The following LIMS1 variants were observed in gnomAD, a reference collection of about 807,000 sequenced individuals.
The protein encoded by LIMS1 is LIM and senescent cell antigen-like-containing domain protein 1.
LIMS1 carries 18 observed loss-of-function variants against 44.1 expected under a neutral mutation model. The observed-to-expected ratio is 0.41, with a 90% CI of 0.28 to 0.61. The LOEUF (loss-of-function observed/expected upper bound fraction) is 0.61, where lower values mean the gene tolerates loss of function less well. LIMS1 is among the 20% of genes least tolerant of loss of function. LIMS1 has a pLI of 0.32. For synonymous variants in LIMS1, 93 were observed against 149.1 expected (o/e 0.62, Z 2.74); for missense variants, 201 against 422.0 (o/e 0.48, Z 4.59).
At chr2:108,613,300 T>C (rs576795532) in intron 1 of LIMS1, among the ~76,000 whole-genome samples, 1 of 152,194 alleles carries the variant, frequency 6.6e-6, no homozygotes, top group Non-Finnish European at 1.5e-5. Context: ...TCTTTATTAT[T>C]AGAGTCAAAG....
chr2:108,536,487 G>A (rs747931985), intron 1 of LIMS1, among the ~76,000 whole-genome samples: 1 of 152,218 alleles, frequency 6.6e-6, no homozygotes, highest in Non-Finnish European at 1.5e-5. Flanking sequence ...TGGTATGGAT[G>A]TACAGCAGTT....
At chr2:108,667,969 G>GT (rs1012241012) in intron 2 of LIMS1, among the ~76,000 whole-genome samples, 8 of 152,182 alleles carry the variant, frequency 5.3e-5, no homozygotes, top group Admixed American at 2.0e-4. Context: ...ATTGTTTGGG[G>GT]TTTTTTCTTC....
chr2:108,670,383 G>A (rs1692085472), intron 2 of LIMS1, among the ~76,000 whole-genome samples: 1 of 151,370 alleles, frequency 6.6e-6, no homozygotes, highest in East Asian at 2.0e-4. Context: ...AGGTTACAGT[G>A]AGAATTACAG....
chr2:108,572,645 A>G (rs562066510), intron 1 of LIMS1, among the ~76,000 whole-genome samples: 3 of 152,082 alleles, frequency 2.0e-5, no homozygotes, highest in East Asian at 3.9e-4. Flanking sequence ...CGGCCTCCCA[A>G]AGTGCTGGGA....
At chr2:108,544,531 C>G (rs115795152) in intron 1 of LIMS1, among the ~76,000 whole-genome samples, 5,049 of 152,180 alleles carry the variant, frequency 0.033, 292 homozygotes, top group African/African-American at 0.12. Context: ...TGTTTTTGCT[C>G]TGTTGTCCAG....
At chr2:108,647,341 A>G (rs1037628884) in intron 1 of LIMS1, among the ~76,000 whole-genome samples, 4 of 152,202 alleles carry the variant, frequency 2.6e-5, no homozygotes, top group Admixed American at 6.5e-5. Flanking sequence ...CCAACCAAAA[A>G]AAGTCCAGGA....
chr2:108,569,998 C>T (rs1463655697), intron 1 of LIMS1, among the ~76,000 whole-genome samples: 2 of 151,896 alleles, frequency 1.3e-5, no homozygotes, highest in African/African-American at 4.8e-5. Context: ...GCTTGTTTGC[C>T]ACTACATAAA....
At chr2:108,650,187 A>G (rs1690369106) in intron 1 of LIMS1, among the ~76,000 whole-genome samples, 1 of 152,164 alleles carries the variant, frequency 6.6e-6, no homozygotes, top group South Asian at 2.1e-4. Flanking sequence ...ATTTGTTTGC[A>G]TTTCTTAGAG....
chr2:108,666,713 T>C (rs377433300), intron 2 of LIMS1, among the ~76,000 whole-genome samples: 3,392 of 140,574 alleles, frequency 0.024, 92 homozygotes, highest in African/African-American at 0.062. Context: ...CATTTGAGCC[T>C]AGGAGTTGGA....
chr2:108,539,252 A>G (rs779054505), intron 1 of LIMS1, among the ~76,000 whole-genome samples: 2 of 151,958 alleles, frequency 1.3e-5, no homozygotes, highest in African/African-American at 2.4e-5. Context: ...CCCGGCTAAT[A>G]TTTTGTATTT....
exon 8 of LIMS1, chr2:108,677,979 C>T: frequency 1.9e-6 from 3 of 1,599,780 alleles, no homozygotes; most frequent in Non-Finnish European, 2.6e-6. Flanking sequence ...TTATTTTCAG[C>T]TATTTGGTGA....
chr2:108,551,612 A>G (rs1173475607), intron 1 of LIMS1, among the ~76,000 whole-genome samples: 1 of 142,678 alleles, frequency 7.0e-6, no homozygotes, highest in East Asian at 2.0e-4. Flanking sequence ...ATATATGTAT[A>G]TATATGTATA....
intron 2 of LIMS1, among the ~76,000 whole-genome samples, chr2:108,670,110 A>G (rs1476913327): frequency 6.6e-6 from 1 of 152,196 alleles, no homozygotes; most frequent in Non-Finnish European, 1.5e-5. Context: ...TGGAGCACAT[A>G]AAATGAAAAC....
At chr2:108,657,768 C>G (rs1156929264) in intron 1 of LIMS1, 1 of 152,444 alleles carries the variant, frequency 6.6e-6, no homozygotes, top group African/African-American at 2.4e-5. Flanking sequence ...ATTCTGCATT[C>G]AAACCTGTTA....
At chr2:108,593,074 A>G (rs965456672) in intron 1 of LIMS1, among the ~76,000 whole-genome samples, 7 of 152,156 alleles carry the variant, frequency 4.6e-5, no homozygotes, top group Admixed American at 3.9e-4. Context: ...TCATGTGGTA[A>G]TTCTATGTTT....
At chr2:108,594,356 A>G (rs1686555731) in intron 1 of LIMS1, among the ~76,000 whole-genome samples, 1 of 152,224 alleles carries the variant, frequency 6.6e-6, no homozygotes, top group South Asian at 2.1e-4. Context: ...ACCCACAGAA[A>G]GGGAAGTGAC....
chr2:108,644,617 G>A (rs1689937352), intron 1 of LIMS1, among the ~76,000 whole-genome samples: 1 of 152,094 alleles, frequency 6.6e-6, no homozygotes, highest in South Asian at 2.1e-4. Context: ...CTCCTTGCCA[G>A]CAAGGGAGCA....
intron 1 of LIMS1, among the ~76,000 whole-genome samples, chr2:108,554,683 C>T (rs1684862846): frequency 6.6e-6 from 1 of 152,118 alleles, no homozygotes; most frequent in African/African-American, 2.4e-5. Context: ...GAGGAGTGTG[C>T]TGGCCTCTAA....
intron 1 of LIMS1, among the ~76,000 whole-genome samples, chr2:108,594,362 G>T (rs1686556175): frequency 6.6e-6 from 1 of 152,200 alleles, no homozygotes; most frequent in Non-Finnish European, 1.5e-5. Context: ...AGAAAGGGAA[G>T]TGACATTTAC....
Sources: gnomAD v4.1 joint callset for allele counts (sites outside exome capture counted in the v4.1 genomes callset) on GRCh38, gnomAD v4.1.1 for gene constraint, MANE v1.5 for transcripts, NCBI Gene and HGNC (gene_info 2026-07-23, HGNC 2026-07-21) for gene names.